RASSF3: variants seen among roughly 807,000 people sequenced by gnomAD.
The protein encoded by RASSF3 is ras association domain-containing protein 3.
A neutral mutation model predicts 19.9 loss-of-function variants in RASSF3; 19 were observed. That is an observed-to-expected ratio of 0.96 (90% confidence interval 0.67 to 1.40). The LOEUF (loss-of-function observed/expected upper bound fraction) is 1.40. Ranked by LOEUF, RASSF3 falls within the 40% of genes most tolerant of loss-of-function variation. The pLI is 0.00. For missense variants in RASSF3, 306 were observed against 289.8 expected (o/e 1.06, Z -0.41); for synonymous variants, 110 against 104.2 (o/e 1.06, Z -0.34).
In RASSF3 at chr12:64,643,560, T is replaced by A. The variant is rs61100308; in HGVS notation, c.111+32817T>A. 4.9e-3 allele frequency among the ~76,000 whole-genome samples: 732 copies of A among 150,236 alleles called. 10 individuals are homozygous for A. The highest frequency in any genetic ancestry group is 0.017 in the African/African-American group (705 of 40,786). ...GAGACCCCGTCTCTTAAAAAAAAAATAAAACCCCAAAACAAAAATAAACCA... is the reference window on the plus strand; with the variant it reads ...GAGACCCCGTCTCTTAAAAAAAAAAAAAAACCCCAAAACAAAAATAAACCA... On this transcript the variant is annotated intron_variant, in intron 1 of 4. Transcript: ENST00000542104.
At chr12:64,671,228 T>A (rs560892965) in intron 1 of RASSF3, among the ~76,000 whole-genome samples, 1 of 152,286 alleles carries the variant, frequency 6.6e-6, no homozygotes, top group East Asian at 1.9e-4. Flanking sequence ...GAGAAAAACC[T>A]TCTTTTTCCC....
At chr12:64,639,966 G>A (rs779270397) in intron 1 of RASSF3, among the ~76,000 whole-genome samples, 4 of 152,176 alleles carry the variant, frequency 2.6e-5, no homozygotes, top group Non-Finnish European at 5.9e-5. Context: ...GACATTCTAT[G>A]ATGAAGAAAT....
At chr12:64,672,530 A>G (rs1254501665) in intron 1 of RASSF3, among the ~76,000 whole-genome samples, 1 of 151,804 alleles carries the variant, frequency 6.6e-6, no homozygotes, top group Non-Finnish European at 1.5e-5. Context: ...CCAGCCTATT[A>G]TTTATTTTTG....
chr12:64,660,181 G>T (rs1249765334), intron 1 of RASSF3, among the ~76,000 whole-genome samples: 2 of 151,926 alleles, frequency 1.3e-5, no homozygotes, highest in East Asian at 3.9e-4. Flanking sequence ...GCCTCAAAAA[G>T]TGCTAGGATT....
At chr12:64,544,434 T>A (rs1565836420), downstream of RASSF3, among the ~76,000 whole-genome samples, 2 of 152,128 alleles carry the variant, frequency 1.3e-5, no homozygotes, top group Non-Finnish European at 2.9e-5. Flanking sequence ...GTCCGCGGGT[T>A]CATTCTTGAA....
chr12:64,564,727 C>T (rs946302982), intron 2 of RASSF3, among the ~76,000 whole-genome samples: 13 of 151,854 alleles, frequency 8.6e-5, no homozygotes, highest in African/African-American at 2.4e-4. Flanking sequence ...CAGAGAAATG[C>T]GTTATTGAAG....
intron 1 of RASSF3, among the ~76,000 whole-genome samples, chr12:64,624,943 A>G (rs1188047780): frequency 6.6e-6 from 1 of 151,912 alleles, no homozygotes; most frequent in East Asian, 1.9e-4. Flanking sequence ...CTGGGATTAC[A>G]GGCGTGAGCC....
intron 1 of RASSF3, among the ~76,000 whole-genome samples, chr12:64,665,739 T>C (rs1872523108): frequency 6.6e-6 from 1 of 152,246 alleles, no homozygotes; most frequent in African/African-American, 2.4e-5. Context: ...GAACTGCCCT[T>C]GAGCTGCTGT....
intron 2 of RASSF3, among the ~76,000 whole-genome samples, chr12:64,561,312 A>G (rs1224235514): frequency 6.6e-6 from 1 of 152,204 alleles, no homozygotes; most frequent in East Asian, 1.9e-4. Context: ...CTTCATTTTA[A>G]TGATGAAAGA....
intron 1 of RASSF3, among the ~76,000 whole-genome samples, chr12:64,612,799 G>A (rs559939272): frequency 6.6e-6 from 1 of 152,154 alleles, no homozygotes; most frequent in South Asian, 2.1e-4. Flanking sequence ...TATGTTGTAT[G>A]CAATCATTTA....
intron 1 of RASSF3, among the ~76,000 whole-genome samples, chr12:64,512,288 A>T (rs1385641256): frequency 6.6e-6 from 1 of 152,176 alleles, no homozygotes. Context: ...AGATGACATC[A>T]CAAAATCTGT....
At chr12:64,625,193 C>T (rs918817865) in intron 1 of RASSF3, among the ~76,000 whole-genome samples, 3 of 151,976 alleles carry the variant, frequency 2.0e-5, no homozygotes, top group Non-Finnish European at 4.4e-5. Flanking sequence ...GGAAGGAGCT[C>T]CAGTCATTCC....
chr12:64,659,656 A>G (rs1872274533), intron 1 of RASSF3, among the ~76,000 whole-genome samples: 1 of 152,158 alleles, frequency 6.6e-6, no homozygotes, highest in Non-Finnish European at 1.5e-5. Context: ...AATGCTAATA[A>G]TAATAATATT....
chr12:64,513,621 C>T (rs150824577), intron 1 of RASSF3, among the ~76,000 whole-genome samples: 95 of 152,194 alleles, frequency 6.2e-4, no homozygotes, highest in African/African-American at 2.3e-3. Context: ...AGGCCTTGGG[C>T]AGGTGAGACA....
intron 1 of RASSF3, among the ~76,000 whole-genome samples, chr12:64,669,481 G>A (rs1410592564): frequency 6.6e-6 from 1 of 151,976 alleles, no homozygotes; most frequent in Admixed American, 6.6e-5. Context: ...TACAGTGTCT[G>A]CCACTTGTTT....
intron 1 of RASSF3, among the ~76,000 whole-genome samples, chr12:64,524,529 G>A (rs2136105933): frequency 6.6e-6 from 1 of 152,128 alleles, no homozygotes; most frequent in Non-Finnish European, 1.5e-5. Context: ...ACTCTCAGCT[G>A]TTGTTCTACC....
chr12:64,568,148 C>T (rs528408427), intron 2 of RASSF3, among the ~76,000 whole-genome samples: 13 of 152,330 alleles, frequency 8.5e-5, no homozygotes, highest in Admixed American at 6.5e-4. Context: ...TTTCCTGCCT[C>T]AGCCTCCTGA....
intron 1 of RASSF3, among the ~76,000 whole-genome samples, chr12:64,537,194 G>A (rs1216467418): frequency 6.6e-6 from 1 of 152,096 alleles, no homozygotes; most frequent in Non-Finnish European, 1.5e-5. Context: ...CACCTCTTCA[G>A]AAGCAGTATT....
intron 1 of RASSF3, chr12:64,507,441 T>C: frequency 2.5e-6 from 1 of 396,564 alleles, no homozygotes; most frequent in Non-Finnish European, 4.4e-6. Flanking sequence ...GAAAGAAAAG[T>C]CTTGAAGCCT....
Sources: allele counts gnomAD v4.1 joint callset (sites outside exome capture counted in the v4.1 genomes callset), GRCh38; gene constraint gnomAD v4.1.1; transcripts MANE v1.5; gene names NCBI Gene and HGNC (gene_info 2026-07-23, HGNC 2026-07-21).